MAGI1: variants seen among roughly 807,000 people sequenced by gnomAD.
MAGI1 encodes membrane-associated guanylate kinase, WW and PDZ domain-containing protein 1.
A neutral mutation model predicts 139.9 loss-of-function variants in MAGI1; 58 were observed. The observed-to-expected ratio is 0.41, with a 90% confidence interval of 0.34 to 0.52. MAGI1 has a LOEUF of 0.52. Ranked by LOEUF, MAGI1 falls within the 20% of genes least tolerant of loss-of-function variation. MAGI1 has a pLI of 0.12. For synonymous variants in MAGI1, 812 were observed against 737.9 expected (o/e 1.10, Z -1.63); for missense variants, 1,874 against 1,901.6 (o/e 0.99, Z 0.27).
chr3:65,390,376 A>C (rs1943822370), intron 14 of MAGI1, among the ~76,000 whole-genome samples: 1 of 152,154 alleles, frequency 6.6e-6, no homozygotes, highest in Non-Finnish European at 1.5e-5. Flanking sequence ...CATTATAAGA[A>C]AACATCAGAA....
chr3:66,027,065 C>G (rs1187754565), intron 1 of MAGI1, among the ~76,000 whole-genome samples: 1 of 151,588 alleles, frequency 6.6e-6, no homozygotes, highest in Non-Finnish European at 1.5e-5. Context: ...GTCAGGAGAT[C>G]GAGATCATCC....
intron 12 of MAGI1, among the ~76,000 whole-genome samples, chr3:65,404,679 C>T (rs1240916400): frequency 6.6e-6 from 1 of 152,116 alleles, no homozygotes; most frequent in Non-Finnish European, 1.5e-5. Context: ...TATTTTAGCC[C>T]AAACTATTCA....
chr3:65,674,529 C>T (rs1335147988), intron 1 of MAGI1, among the ~76,000 whole-genome samples: 2 of 152,222 alleles, frequency 1.3e-5, no homozygotes, highest in African/African-American at 4.8e-5. Flanking sequence ...CTTTTACTAA[C>T]TAACACAGTT....
chr3:65,931,714 A>G (rs1020713732), intron 1 of MAGI1, among the ~76,000 whole-genome samples: 15 of 152,080 alleles, frequency 9.9e-5, no homozygotes, highest in African/African-American at 3.1e-4. Context: ...TTCAACTTAT[A>G]TTACAGGGTA....
chr3:66,011,499 C>G (rs1431051580), intron 1 of MAGI1, among the ~76,000 whole-genome samples: 1 of 152,130 alleles, frequency 6.6e-6, no homozygotes, highest in Non-Finnish European at 1.5e-5. Context: ...TGCCACCCGC[C>G]TCCAGGATCC....
intron 20 of MAGI1, 43 bp downstream of exon 20, chr3:65,364,622 G>A (rs769996122): frequency 3.1e-5 from 48 of 1,551,288 alleles, no homozygotes; most frequent in East Asian, 4.5e-5. Flanking sequence ...AAAGTTGGAA[G>A]GAAACGTGCA....
intron 1 of MAGI1, among the ~76,000 whole-genome samples, chr3:65,720,522 T>C (rs922055432): frequency 1.3e-5 from 2 of 152,162 alleles, no homozygotes; most frequent in Non-Finnish European, 2.9e-5. Flanking sequence ...AATCCTTGAC[T>C]TAGCCCATCT....
intron 1 of MAGI1, among the ~76,000 whole-genome samples, chr3:65,936,760 C>T (rs1021410818): frequency 3.3e-5 from 5 of 152,028 alleles, no homozygotes; most frequent in African/African-American, 1.2e-4. Flanking sequence ...TAGACAGGGT[C>T]TCACTCTGCC....
intron 2 of MAGI1, among the ~76,000 whole-genome samples, chr3:65,607,128 C>A (rs573563043): frequency 1.3e-5 from 2 of 151,576 alleles, no homozygotes; most frequent in East Asian, 3.9e-4. Context: ...ATAACAATAA[C>A]ATAATTCACT....
intron 1 of MAGI1, among the ~76,000 whole-genome samples, chr3:65,845,378 C>T (rs1305944774): frequency 2.0e-5 from 3 of 152,118 alleles, no homozygotes; most frequent in Admixed American, 2.0e-4. Context: ...CTGACCATCA[C>T]TTACTATACA....
intron 1 of MAGI1, among the ~76,000 whole-genome samples, chr3:65,912,343 G>T (rs747478089): frequency 2.3e-4 from 35 of 152,200 alleles, no homozygotes; most frequent in Middle Eastern, 3.4e-3. Context: ...AGGGGCTGGG[G>T]AGACTTGAAC....
chr3:65,611,138 TA>T (rs1446238953), intron 2 of MAGI1, among the ~76,000 whole-genome samples: 17 of 139,808 alleles, frequency 1.2e-4, no homozygotes, highest in Non-Finnish European at 2.4e-4. Context: ...ATAGTATAAA[TA>T]GTATATAGTA....
At chr3:65,884,365 G>C (rs1190771905) in intron 1 of MAGI1, among the ~76,000 whole-genome samples, 1 of 152,122 alleles carries the variant, frequency 6.6e-6, no homozygotes, top group Non-Finnish European at 1.5e-5. Flanking sequence ...TACCACATGG[G>C]GTGGAAGAAC....
chr3:65,705,711 G>C (rs1344905770), intron 1 of MAGI1, among the ~76,000 whole-genome samples: 2 of 152,146 alleles, frequency 1.3e-5, no homozygotes, highest in Non-Finnish European at 2.9e-5. Context: ...CCATTCCAAA[G>C]ATTACTTGAG....
chr3:65,482,578 C>A (rs1171022303), intron 3 of MAGI1, among the ~76,000 whole-genome samples: 2 of 152,124 alleles, frequency 1.3e-5, no homozygotes, highest in Non-Finnish European at 2.9e-5. Flanking sequence ...TTAACTAATG[C>A]AGAGTTTTCA....
At chr3:65,364,795 T>C (rs1288821794) in intron 19 of MAGI1, 58 bp downstream of exon 19, 12 of 1,606,960 alleles carry the variant, frequency 7.5e-6, no homozygotes, top group African/African-American at 5.4e-5. Context: ...AGGACATATA[T>C]TGTCATGCTG....
chr3:65,540,015 C>A (rs1287106895), intron 2 of MAGI1, among the ~76,000 whole-genome samples: 5 of 152,188 alleles, frequency 3.3e-5, no homozygotes, highest in Non-Finnish European at 7.3e-5. Flanking sequence ...CCTACACTCA[C>A]TTCCACAGCA....
chr3:65,705,232 T>C (rs542229418), intron 1 of MAGI1, among the ~76,000 whole-genome samples: 12 of 152,198 alleles, frequency 7.9e-5, no homozygotes, highest in Non-Finnish European at 1.8e-4. Context: ...ACTTTAATGT[T>C]TTCAGAGTAT....
chr3:65,603,610 C>G (rs11705705), intron 2 of MAGI1, among the ~76,000 whole-genome samples: 3,261 of 152,284 alleles, frequency 0.021, 55 homozygotes, highest in Non-Finnish European at 0.032. Flanking sequence ...AACTGAAAAG[C>G]CTACATGCTG....
Sources: allele counts gnomAD v4.1 joint callset (sites outside exome capture counted in the v4.1 genomes callset), GRCh38; gene constraint gnomAD v4.1.1; transcripts MANE v1.5; gene names NCBI Gene and HGNC (gene_info 2026-07-23, HGNC 2026-07-21).